Variants in NCALD observed in about 807,000 individuals in gnomAD.
NCALD encodes neurocalcin delta, also known as neurocalcin-delta.
NCALD carries 10 observed loss-of-function variants against 18.6 expected under a neutral mutation model. That is an observed-to-expected ratio of 0.54 (90% confidence interval 0.33 to 0.91). NCALD has a LOEUF of 0.91. Among genes scored for constraint, NCALD ranks in the 40% least tolerant of loss-of-function variants. NCALD has a pLI of 0.03. For missense variants in NCALD, 184 were observed against 247.6 expected (o/e 0.74, Z 1.72); for synonymous variants, 88 against 87.4 (o/e 1.01, Z -0.04).
chr8:102,016,204 G>A (rs553325122), intron 2 of NCALD, among the ~76,000 whole-genome samples: 1 of 152,182 alleles, frequency 6.6e-6, no homozygotes, highest in South Asian at 2.1e-4. Context: ...CAAATAAGAG[G>A]TCTGTTACCA....
At chr8:101,927,114 C>T (rs568742141) in intron 2 of NCALD, among the ~76,000 whole-genome samples, 1 of 152,180 alleles carries the variant, frequency 6.6e-6, no homozygotes, top group Non-Finnish European at 1.5e-5. Context: ...AGTTTATTTA[C>T]CCACTAGCAT....
chr8:102,107,282 A>C (rs1176615653), intron 1 of NCALD, among the ~76,000 whole-genome samples: 1 of 143,948 alleles, frequency 6.9e-6, no homozygotes, highest in Non-Finnish European at 1.5e-5. Flanking sequence ...AAAATGCATT[A>C]TGAATAAGAG....
upstream of NCALD, among the ~76,000 whole-genome samples, chr8:101,795,351 C>T (rs1812600863): frequency 6.6e-6 from 1 of 152,100 alleles, no homozygotes; most frequent in Non-Finnish European, 1.5e-5. Flanking sequence ...ATACCATTAA[C>T]TAGGTAGCTT....
intron 1 of NCALD, among the ~76,000 whole-genome samples, chr8:101,746,402 C>T (rs1390569822): frequency 6.6e-6 from 1 of 152,086 alleles, no homozygotes; most frequent in Non-Finnish European, 1.5e-5. Context: ...AGAAATTATC[C>T]AGTGTAATAC....
intron 3 of NCALD, among the ~76,000 whole-genome samples, chr8:101,893,529 T>C: frequency 7.7e-6 from 1 of 129,516 alleles, no homozygotes; most frequent in Non-Finnish European, 1.6e-5. Flanking sequence ...ACTTTAAATG[T>C]AAATGGACTA....
Position 102,071,399 on chromosome 8 carries a change from C to T in NCALD, c.-209-51110G>A, listed in dbSNP as rs1180050537. 3.3e-5 allele frequency among the ~76,000 whole-genome samples: 5 copies of T among 152,166 alleles called. No individual in the cohort carries two copies. In the East Asian group the frequency reaches 9.6e-4, roughly 29 times the overall value. ...ATCATTTACATAACCAACGAAAATT[C>T]TCTTAGCCTTTTCGATGTTTAAAGC... On this transcript the variant is annotated intron_variant, in intron 1 of 6. Transcript: ENST00000311028.
upstream of NCALD, among the ~76,000 whole-genome samples, chr8:101,792,985 T>TA (rs200247792): frequency 6.7e-3 from 1,023 of 152,326 alleles, 30 homozygotes; most frequent in Admixed American, 0.05. Context: ...TTGACTGGTT[T>TA]AGCATTTTTA....
chr8:101,926,686 C>T (rs1332652499), intron 2 of NCALD, among the ~76,000 whole-genome samples: 2 of 152,186 alleles, frequency 1.3e-5, no homozygotes, highest in Non-Finnish European at 2.9e-5. Flanking sequence ...CCACTCTTCT[C>T]CCCACTTAGG....
chr8:102,084,920 G>C (rs187274636), intron 1 of NCALD, among the ~76,000 whole-genome samples: 2 of 152,300 alleles, frequency 1.3e-5, no homozygotes, highest in African/African-American at 4.8e-5. Flanking sequence ...GGGTTGGTGG[G>C]GTGGGAAGAA....
At chr8:102,123,471 A>AC (rs568648765) in intron 1 of NCALD, among the ~76,000 whole-genome samples, 125 of 151,528 alleles carry the variant, frequency 8.2e-4, no homozygotes, top group African/African-American at 2.4e-3. Context: ...AAAAAAAAAA[A>AC]AAAAACTTGT....
chr8:101,913,608 G>T (rs932082439), intron 3 of NCALD, among the ~76,000 whole-genome samples: 8 of 152,196 alleles, frequency 5.3e-5, no homozygotes, highest in Non-Finnish European at 8.8e-5. Context: ...TTGGGACAGA[G>T]TTTCGCTCTT....
At chr8:101,856,422 C>T (rs780885269) in intron 4 of NCALD, among the ~76,000 whole-genome samples, 8 of 152,160 alleles carry the variant, frequency 5.3e-5, no homozygotes, top group Non-Finnish European at 1.2e-4. Flanking sequence ...ATCTGCCGAC[C>T]TTGGCTTCTC....
intron 2 of NCALD, among the ~76,000 whole-genome samples, chr8:101,990,172 G>A (rs1820986208): frequency 6.6e-6 from 1 of 152,196 alleles, no homozygotes. Flanking sequence ...TTATATGCCA[G>A]ACACTGTTTT....
intron 2 of NCALD, among the ~76,000 whole-genome samples, chr8:101,943,412 G>C (rs561395434): frequency 6.6e-5 from 10 of 152,098 alleles, no homozygotes; most frequent in Admixed American, 4.6e-4. Flanking sequence ...ATTATTCCCC[G>C]TTCCTCTTAT....
chr8:101,940,500 A>C (rs1455758664), intron 2 of NCALD, among the ~76,000 whole-genome samples: 1 of 152,176 alleles, frequency 6.6e-6, no homozygotes, highest in African/African-American at 2.4e-5. Context: ...AATATACCAA[A>C]CAGCACTAGA....
At chr8:101,719,157 C>T in intron 2 of NCALD, 95 bp downstream of exon 2, 1 of 1,452,068 alleles carries the variant, frequency 6.9e-7, no homozygotes, top group Non-Finnish European at 9.2e-7. Flanking sequence ...GGTGACTCAC[C>T]AGTTTGCAAC....
chr8:102,002,901 A>G (rs573501713), intron 2 of NCALD, among the ~76,000 whole-genome samples: 46 of 152,338 alleles, frequency 3.0e-4, no homozygotes, highest in African/African-American at 1.1e-3. Flanking sequence ...AATTTAGAGC[A>G]CTAAGGGCCC....
chr8:101,709,879 GC>G (rs1192548278), intron 2 of NCALD, among the ~76,000 whole-genome samples: 2 of 151,598 alleles, frequency 1.3e-5, no homozygotes, highest in Non-Finnish European at 2.9e-5. Context: ...TTCTGATCTG[GC>G]CTAAGATTCC....
At chr8:101,911,418 C>T (rs1200964431) in intron 3 of NCALD, among the ~76,000 whole-genome samples, 4 of 147,898 alleles carry the variant, frequency 2.7e-5, no homozygotes, top group Admixed American at 6.8e-5. Context: ...AGTGCAATGG[C>T]GCGATCTCGG....
Sources: allele counts gnomAD v4.1 joint callset (sites outside exome capture counted in the v4.1 genomes callset), GRCh38; gene constraint gnomAD v4.1.1; transcripts MANE v1.5; gene names NCBI Gene and HGNC (gene_info 2026-07-23, HGNC 2026-07-21).